ZC3H3: variants seen among roughly 807,000 people sequenced by gnomAD.
ZC3H3 encodes zinc finger CCCH domain-containing protein 3.
A neutral mutation model predicts 77.3 loss-of-function variants in ZC3H3; 36 were observed. The observed-to-expected ratio is 0.47, with a 90% confidence interval of 0.36 to 0.61. The LOEUF (loss-of-function observed/expected upper bound fraction) is 0.61, where lower values mean the gene tolerates loss of function less well. Ranked by LOEUF, ZC3H3 falls within the 20% of genes least tolerant of loss-of-function variation. The pLI is 0.00. For synonymous variants in ZC3H3, 626 were observed against 555.2 expected, an observed-to-expected ratio of 1.13 and a Z score of -1.79; for missense variants, 1,331 against 1,312.2, an observed-to-expected ratio of 1.01 and a Z score of -0.22.
intron 3 of ZC3H3, among the ~76,000 whole-genome samples, chr8:143,535,950 C>T (rs1045957046): frequency 2.0e-5 from 3 of 152,218 alleles, no homozygotes; most frequent in African/African-American, 7.2e-5. Context: ...TTCACCCCTG[C>T]TTAAGGGCTC....
intron 5 of ZC3H3, among the ~76,000 whole-genome samples, chr8:143,472,509 C>T (rs770947284): frequency 1.1e-4 from 16 of 152,172 alleles, no homozygotes; most frequent in Non-Finnish European, 1.9e-4. Context: ...CACTGCTGAG[C>T]GGGCCAGGGC....
intron 4 of ZC3H3, among the ~76,000 whole-genome samples, chr8:143,482,248 T>C (rs1224626508): frequency 1.3e-5 from 2 of 152,194 alleles, no homozygotes; most frequent in Non-Finnish European, 2.9e-5. Context: ...TCTGTCCAGA[T>C]CCCAGGGCAG....
intron 4 of ZC3H3, among the ~76,000 whole-genome samples, chr8:143,480,842 T>C (rs1018355456): frequency 2.6e-5 from 4 of 152,106 alleles, no homozygotes; most frequent in Non-Finnish European, 5.9e-5. Flanking sequence ...GCAGGAAGGC[T>C]GGGGAAGGGG....
At chr8:143,526,569 C>A (rs1418850879) in intron 3 of ZC3H3, among the ~76,000 whole-genome samples, 1 of 152,192 alleles carries the variant, frequency 6.6e-6, no homozygotes, top group East Asian at 1.9e-4. Context: ...CTGACCACAC[C>A]CAGCTTTGCC....
At chr8:143,472,066 G>C (rs901786874) in intron 5 of ZC3H3, among the ~76,000 whole-genome samples, 1 of 152,248 alleles carries the variant, frequency 6.6e-6, no homozygotes, top group African/African-American at 2.4e-5. Flanking sequence ...AGCCCTACTC[G>C]ATGGCAGGCG....
chr8:143,519,403 T>C (rs887489012), intron 3 of ZC3H3, among the ~76,000 whole-genome samples: 2 of 152,178 alleles, frequency 1.3e-5, no homozygotes, highest in Non-Finnish European at 2.9e-5. Context: ...GGGAGGGACC[T>C]GGGGTTGGGA....
chr8:143,446,279 CTAAG>C (rs1446189150), intron 9 of ZC3H3, among the ~76,000 whole-genome samples: 1 of 152,116 alleles, frequency 6.6e-6, no homozygotes, highest in Non-Finnish European at 1.5e-5. Flanking sequence ...ATTCAAGACA[CTAAG>C]GGTGCAAAAT....
intron 9 of ZC3H3, among the ~76,000 whole-genome samples, chr8:143,443,857 T>C (rs1819805885): frequency 6.6e-6 from 1 of 152,162 alleles, no homozygotes; most frequent in Admixed American, 6.5e-5. Context: ...TGACAAATTC[T>C]AGAAAAACTG....
intron 9 of ZC3H3, among the ~76,000 whole-genome samples, chr8:143,461,768 A>G (rs896045529): frequency 9.9e-5 from 15 of 152,164 alleles, no homozygotes; most frequent in Admixed American, 9.8e-4. Context: ...AAAGGCCCAC[A>G]GAAGAAACTT....
intron 3 of ZC3H3, among the ~76,000 whole-genome samples, chr8:143,522,825 TA>T (rs1237493435): frequency 2.6e-5 from 4 of 152,142 alleles, no homozygotes; most frequent in African/African-American, 9.7e-5. Context: ...CTTGGGAGGC[TA>T]AGCTGGGAGG....
Position 143,462,702 on chromosome 8 carries a change from G to A in ZC3H3, c.2307+3015C>T, listed in dbSNP as rs952685600. 4.6e-5 allele frequency among the ~76,000 whole-genome samples: 7 copies of A among 152,220 alleles called. No homozygotes were observed. Among genetic ancestry groups the A allele is most frequent in the African/African-American group, 1.2e-4 (5 of 41,450 alleles). On this transcript the variant is annotated intron_variant, in intron 9 of 11. Transcript: ENST00000262577. The surrounding 1 kb of genome is among the most constrained non-coding windows in gnomAD (Gnocchi z 4.7). The stretch of plus-strand genomic sequence containing the variant: ...CACAGGGTGTGGGGAAAACGGCAGC[G>A]CGGAGGCTCACGGAGCAGGCACTGC...
At chr8:143,537,223 C>T (rs1370952495) in intron 2 of ZC3H3, among the ~76,000 whole-genome samples, 4 of 152,176 alleles carry the variant, frequency 2.6e-5, no homozygotes, top group East Asian at 1.9e-4. Context: ...GGGTGGAGGC[C>T]GGGAGAGATG....
intron 3 of ZC3H3, among the ~76,000 whole-genome samples, chr8:143,510,685 C>T (rs752020351): frequency 2.0e-5 from 3 of 152,210 alleles, no homozygotes; most frequent in African/African-American, 7.2e-5. Flanking sequence ...AGGACCCAGG[C>T]AGAAACAGGC....
chr8:143,524,356 G>A (rs866239235), intron 3 of ZC3H3, among the ~76,000 whole-genome samples: 1 of 152,352 alleles, frequency 6.6e-6, no homozygotes, highest in Middle Eastern at 3.4e-3. Context: ...GGTTCCCAGG[G>A]CCCTGACATG....
chr8:143,450,094 G>C (rs1819951738), intron 9 of ZC3H3, among the ~76,000 whole-genome samples: 1 of 152,154 alleles, frequency 6.6e-6, no homozygotes, highest in Non-Finnish European at 1.5e-5. Flanking sequence ...ACATTTTCAG[G>C]TATCTATATA....
At chr8:143,438,177 G>A in intron 11 of ZC3H3, 90 bp from the exon 12 acceptor site, 1 of 1,512,400 alleles carries the variant, frequency 6.6e-7, no homozygotes, top group Non-Finnish European at 9.0e-7. Flanking sequence ...CAGGATCGGG[G>A]GGCTCTGTCA....
chr8:143,508,199 G>C (rs901297627), intron 3 of ZC3H3, among the ~76,000 whole-genome samples: 1 of 152,256 alleles, frequency 6.6e-6, no homozygotes, highest in Non-Finnish European at 1.5e-5. Flanking sequence ...GGAGAAGCCA[G>C]GGGTCTGGCA....
intron 4 of ZC3H3, among the ~76,000 whole-genome samples, chr8:143,498,062 C>A (rs1374578084): frequency 1.3e-5 from 2 of 152,218 alleles, no homozygotes; most frequent in Non-Finnish European, 2.9e-5. Context: ...TGAGCGAATG[C>A]AAGTGAAGGA....
At chr8:143,470,863 C>T (rs1333330944) in intron 5 of ZC3H3, among the ~76,000 whole-genome samples, 1 of 152,224 alleles carries the variant, frequency 6.6e-6, no homozygotes, top group East Asian at 1.9e-4. Flanking sequence ...AAAAGTTCAA[C>T]TGAATAACCC....
Sources: gnomAD v4.1 joint callset for allele counts (sites outside exome capture counted in the v4.1 genomes callset) on GRCh38, gnomAD v4.1.1 for gene constraint, Gnocchi (gnomAD v3.1) non-coding constraint, MANE v1.5 for transcripts, NCBI Gene and HGNC (gene_info 2026-07-23, HGNC 2026-07-21) for gene names.